The following CADPS2 variants were observed in gnomAD, a reference collection of about 807,000 sequenced individuals.
CADPS2 encodes the protein calcium-dependent secretion activator 2.
A neutral mutation model predicts 172.5 loss-of-function variants in CADPS2; 93 were observed. The observed-to-expected ratio is 0.54, with a 90% CI of 0.46 to 0.64. The LOEUF is 0.64. CADPS2 is among the 30% of genes least tolerant of loss of function. The pLI is 0.00. For synonymous variants in CADPS2, 546 were observed against 555.2 expected (o/e 0.98, Z 0.23); for missense variants, 1,420 against 1,565.9 (o/e 0.91, Z 1.57).
intron 6 of CADPS2, among the ~76,000 whole-genome samples, chr7:122,608,253 A>T (rs1563842777): frequency 1.3e-5 from 2 of 152,084 alleles, no homozygotes; most frequent in Non-Finnish European, 2.9e-5. Flanking sequence ...GATAGATCAT[A>T]TAAAAATGTA....
intron 8 of CADPS2, among the ~76,000 whole-genome samples, chr7:122,541,588 T>C (rs1018751375): frequency 6.8e-6 from 1 of 146,178 alleles, no homozygotes; most frequent in Middle Eastern, 3.6e-3. Flanking sequence ...TATATTTATA[T>C]ATTCATATAT....
chr7:122,456,486 T>C lies in CADPS2; in HGVS notation c.2187-5011A>G, dbSNP rs531135581. Among the ~76,000 whole-genome samples the C allele has an allele frequency of 2.6e-5, 4 of 152,264 alleles. No individual in the cohort carries two copies. The South Asian group carries it at 8.3e-4, about 32-fold the overall frequency. On this transcript the variant is annotated intron_variant, in intron 14 of 29. Transcript: ENST00000449022. ...AGGGTGCTCTGTGAAAAAGGCTTAATATATGAAAAAATTATAAAACAGATT... is the reference window on the plus strand; with the variant it reads ...AGGGTGCTCTGTGAAAAAGGCTTAACATATGAAAAAATTATAAAACAGATT...
At chr7:122,512,329 T>C (rs1462006404) in intron 9 of CADPS2, among the ~76,000 whole-genome samples, 1 of 152,130 alleles carries the variant, frequency 6.6e-6, no homozygotes, top group Non-Finnish European at 1.5e-5. Context: ...ATGTGTGCCA[T>C]TGGAATCAAT....
chr7:122,727,367 A>G (rs912958200), intron 2 of CADPS2, among the ~76,000 whole-genome samples: 3 of 151,788 alleles, frequency 2.0e-5, no homozygotes, highest in East Asian at 3.9e-4. Context: ...TGTTATTGGC[A>G]GCTACCTAGC....
intron 1 of CADPS2, among the ~76,000 whole-genome samples, chr7:122,830,030 A>AC (rs1249243039): frequency 1.3e-5 from 2 of 151,874 alleles, no homozygotes; most frequent in African/African-American, 4.8e-5. Context: ...TTAAAAAAAA[A>AC]AACAGTACAA....
chr7:122,558,982 T>C (rs534587318), intron 7 of CADPS2, among the ~76,000 whole-genome samples: 1 of 152,140 alleles, frequency 6.6e-6, no homozygotes, highest in South Asian at 2.1e-4. Flanking sequence ...TTCACTACCT[T>C]CTCCCATATA....
intron 2 of CADPS2, among the ~76,000 whole-genome samples, chr7:122,730,337 T>C (rs1022209336): frequency 2.0e-5 from 3 of 151,716 alleles, no homozygotes; most frequent in East Asian, 1.9e-4. Flanking sequence ...TCATATATGG[T>C]TATGGTAGAA....
At chr7:122,576,025 CATCA>C (rs1032004809) in intron 7 of CADPS2, among the ~76,000 whole-genome samples, 1 of 152,130 alleles carries the variant, frequency 6.6e-6, no homozygotes, top group Non-Finnish European at 1.5e-5. Flanking sequence ...CAAGTTTGTT[CATCA>C]ATGCCTTCTT....
At chr7:122,822,758 C>T (rs1803721129) in intron 1 of CADPS2, among the ~76,000 whole-genome samples, 1 of 151,996 alleles carries the variant, frequency 6.6e-6, no homozygotes, top group Non-Finnish European at 1.5e-5. Context: ...CTTTTCCTGG[C>T]TCATCCTGGC....
At chr7:122,843,598 A>T (rs1047122364) in intron 1 of CADPS2, among the ~76,000 whole-genome samples, 2 of 152,202 alleles carry the variant, frequency 1.3e-5, no homozygotes, top group Non-Finnish European at 2.9e-5. Flanking sequence ...GTTCTTTAGG[A>T]AGCTATGACA....
chr7:122,732,480 G>T (rs2091742731), intron 2 of CADPS2, among the ~76,000 whole-genome samples: 1 of 150,318 alleles, frequency 6.7e-6, no homozygotes, highest in African/African-American at 2.4e-5. Context: ...TTGAGAAAAT[G>T]TATATACTAC....
intron 27 of CADPS2, among the ~76,000 whole-genome samples, chr7:122,346,219 A>G (rs1054378059): frequency 3.9e-5 from 6 of 152,002 alleles, no homozygotes; most frequent in African/African-American, 1.2e-4. Flanking sequence ...ATAAAAAAAA[A>G]TAGCTGGGAG....
chr7:122,668,568 G>A (rs759176059), intron 2 of CADPS2, among the ~76,000 whole-genome samples: 44 of 152,108 alleles, frequency 2.9e-4, no homozygotes, highest in Admixed American at 7.9e-4. Context: ...GAGAGGAGAC[G>A]GTTTCAGAAT....
chr7:122,583,099 C>T (rs2069075079), intron 6 of CADPS2, among the ~76,000 whole-genome samples: 1 of 151,712 alleles, frequency 6.6e-6, no homozygotes, highest in Non-Finnish European at 1.5e-5. Context: ...AAAAAAACTG[C>T]TCACTCATGG....
At chr7:122,510,643 C>T (rs545534577) in intron 9 of CADPS2, among the ~76,000 whole-genome samples, 1 of 152,224 alleles carries the variant, frequency 6.6e-6, no homozygotes, top group South Asian at 2.1e-4. Context: ...ATCATTCTGC[C>T]GATGGCAGCG....
chr7:122,535,989 A>T (rs1354017449), intron 8 of CADPS2, among the ~76,000 whole-genome samples: 1 of 152,094 alleles, frequency 6.6e-6, no homozygotes, highest in Admixed American at 6.6e-5. Context: ...AGGCAGTCCT[A>T]AACTATCTCC....
chr7:122,698,183 C>A, intron 2 of CADPS2: 1 of 1,613,872 alleles, frequency 6.2e-7, no homozygotes, highest in Non-Finnish European at 8.5e-7. Flanking sequence ...ATTTCTTCAT[C>A]CCCCTCTTTT....
chr7:122,741,833 G>A (rs750627785), intron 1 of CADPS2, among the ~76,000 whole-genome samples: 2 of 152,050 alleles, frequency 1.3e-5, no homozygotes, highest in Non-Finnish European at 2.9e-5. Context: ...CACTATCTAA[G>A]ACAAAACAGA....
At chr7:122,668,803 G>A (rs948785963) in intron 2 of CADPS2, among the ~76,000 whole-genome samples, 2 of 152,184 alleles carry the variant, frequency 1.3e-5, no homozygotes, top group Non-Finnish European at 2.9e-5. Flanking sequence ...GTGGTGAAGA[G>A]GAGAAGCTCT....
Sources: allele counts gnomAD v4.1 joint callset (sites outside exome capture counted in the v4.1 genomes callset), GRCh38; gene constraint gnomAD v4.1.1; transcripts MANE v1.5; gene names NCBI Gene and HGNC (gene_info 2026-07-23, HGNC 2026-07-21).